The following CCDC62 variants were observed in gnomAD, a reference collection of about 807,000 sequenced individuals.
CCDC62 encodes the protein coiled-coil domain-containing protein 62.
CCDC62 carries 72 observed loss-of-function variants against 80.8 expected under a neutral mutation model. That is an observed-to-expected ratio of 0.89 (90% CI 0.74 to 1.08). The LOEUF (loss-of-function observed/expected upper bound fraction) is 1.08. Ranked by LOEUF, CCDC62 falls within the 50% of genes least tolerant of loss-of-function variation. The probability of loss-of-function intolerance (pLI) is 0.00; values close to 1 mark genes in which losing one functional copy is unlikely to be tolerated. For synonymous variants in CCDC62, 286 were observed against 296.5 expected (o/e 0.96, Z 0.36); for missense variants, 704 against 809.4 (o/e 0.87, Z 1.58).
At chr12:122,790,288 A>G (rs972201931) in intron 5 of CCDC62, among the ~76,000 whole-genome samples, 2 of 152,070 alleles carry the variant, frequency 1.3e-5, no homozygotes, top group African/African-American at 4.8e-5. Context: ...TGAGCTTGTG[A>G]TCCACCTGCC....
chr12:122,820,518 A>G (rs986830410), intron 11 of CCDC62, among the ~76,000 whole-genome samples: 18 of 152,280 alleles, frequency 1.2e-4, no homozygotes, highest in African/African-American at 4.1e-4. Flanking sequence ...GATCCCTTTC[A>G]GAATGAAGTT....
At position 122,778,400 on chromosome 12, in the gene CCDC62, A is replaced by G. The variant is rs139885474; in HGVS notation, c.229+717A>G. Reference sequence around the variant, plus strand: ...TAGCTGTCTCAAAAATGGTTGCAAAAAGTTTATTTGACACCATATTTTAAT... The same window carrying G: ...TAGCTGTCTCAAAAATGGTTGCAAAGAGTTTATTTGACACCATATTTTAAT... On this transcript the variant is annotated intron_variant, in intron 2 of 12. Coordinates refer to ENST00000253079, the MANE Select transcript of CCDC62 (RefSeq NM_201435.5). Among the ~76,000 whole-genome samples, 840 of 152,168 alleles carry G rather than the reference A, an allele frequency of 5.5e-3. 10 individuals carry two copies. Among genetic ancestry groups the G allele is most frequent in the African/African-American group, 0.019 (808 of 41,518 alleles).
chr12:122,791,068 G>A (rs1442671165), intron 5 of CCDC62, among the ~76,000 whole-genome samples: 1 of 152,136 alleles, frequency 6.6e-6, no homozygotes, highest in Non-Finnish European at 1.5e-5. Context: ...AATGGATTTG[G>A]ATTTCATCCT....
intron 11 of CCDC62, among the ~76,000 whole-genome samples, chr12:122,820,419 G>A (rs2032354439): frequency 6.6e-6 from 1 of 152,188 alleles, no homozygotes; most frequent in South Asian, 2.1e-4. Flanking sequence ...TGCTGTGTGG[G>A]CCTGGCCGTC....
At chr12:122,824,428 C>A (rs1593844239) in intron 12 of CCDC62, among the ~76,000 whole-genome samples, 1 of 151,874 alleles carries the variant, frequency 6.6e-6, no homozygotes, top group East Asian at 1.9e-4. Context: ...AACAAACAAA[C>A]AAAAAACCAA....
At chr12:122,798,400 C>G (rs574435187) in intron 8 of CCDC62, among the ~76,000 whole-genome samples, 200 bp downstream of exon 8, 3 of 151,898 alleles carry the variant, frequency 2.0e-5, no homozygotes. Context: ...GTCAGGAGTT[C>G]GAGACCAGCC....
intron 3 of CCDC62, among the ~76,000 whole-genome samples, chr12:122,785,488 T>A (rs2030156846): frequency 6.6e-6 from 1 of 152,206 alleles, no homozygotes; most frequent in Non-Finnish European, 1.5e-5. Flanking sequence ...ATGGTAGAAT[T>A]AATAGAGAAA....
At chr12:122,805,446 C>G (rs1434047797) in intron 9 of CCDC62, among the ~76,000 whole-genome samples, 1 of 145,536 alleles carries the variant, frequency 6.9e-6, no homozygotes, top group Non-Finnish European at 1.5e-5. Context: ...TGGGTTCAAG[C>G]AATTCTCCTG....
intron 1 of CCDC62, chr12:122,776,949 C>G (rs1432127383): frequency 6.5e-6 from 1 of 152,890 alleles, no homozygotes; most frequent in Non-Finnish European, 1.5e-5. Context: ...GCGCATGCCA[C>G]CACACTGAGC....
chr12:122,790,388 C>T (rs915879528), intron 5 of CCDC62, among the ~76,000 whole-genome samples: 4 of 151,960 alleles, frequency 2.6e-5, no homozygotes, highest in African/African-American at 9.7e-5. Flanking sequence ...AGTGGCTGGG[C>T]ATGATGGCTC....
intron 3 of CCDC62, among the ~76,000 whole-genome samples, chr12:122,785,331 A>G (rs2030145433): frequency 6.6e-6 from 1 of 152,166 alleles, no homozygotes; most frequent in African/African-American, 2.4e-5. Flanking sequence ...TATTTCAACA[A>G]AGGAAATCTC....
At chr12:122,797,503 C>G (rs1290119473) in intron 7 of CCDC62, 108 bp downstream of exon 7, 2 of 644,854 alleles carry the variant, frequency 3.1e-6, no homozygotes, top group Non-Finnish European at 5.6e-6. Context: ...GATTTGGAAT[C>G]CTAACTACAT....
At chr12:122,814,504 ATTTT>A (rs71440218) in intron 11 of CCDC62, among the ~76,000 whole-genome samples, 1 of 125,126 alleles carries the variant, frequency 8.0e-6, no homozygotes, top group Non-Finnish European at 1.7e-5. Flanking sequence ...TGGACTTTTA[ATTTT>A]TTTTTTTTTT....
At chr12:122,806,077 T>G (rs1467024133) in intron 9 of CCDC62, 74 bp from the exon 10 acceptor site, 2 of 1,349,470 alleles carry the variant, frequency 1.5e-6, no homozygotes, top group Non-Finnish European at 2.0e-6. Context: ...TTTAAGATAC[T>G]TTTGAGTATA....
At chr12:122,822,103 CT>C (rs60304984) in intron 11 of CCDC62, among the ~76,000 whole-genome samples, 77,313 of 102,172 alleles carry the variant, frequency 0.76, 30,159 homozygotes, top group East Asian at 0.94. Context: ...CATTATTTAT[CT>C]TTTTTTTTTT....
At position 122,774,906 on chromosome 12, in the gene CCDC62, A is replaced by G. The variant is rs376796978; in HGVS notation, c.36+200A>G. 9.9e-5 allele frequency among the ~76,000 whole-genome samples: 15 copies of G among 150,782 alleles called. No homozygotes were observed. The East Asian group carries it at 1.2e-3, about 12-fold the overall frequency. On this transcript the variant is annotated intron_variant, in intron 1 of 12. Transcript: ENST00000253079. ...AGATCGAGACCATCCTGGCTAACACAGTGAAACCCCGTCTCTACTAAAAAT... is the reference window on the plus strand; with the variant it reads ...AGATCGAGACCATCCTGGCTAACACGGTGAAACCCCGTCTCTACTAAAAAT...
intron 3 of CCDC62, 45 bp from the exon 4 acceptor site, chr12:122,785,674 C>CTTTA (rs775953406): frequency 4.4e-5 from 58 of 1,311,928 alleles, no homozygotes; most frequent in Non-Finnish European, 4.7e-5. Flanking sequence ...GTAGTGAAAG[C>CTTTA]TTTAAAAGGA....
intron 5 of CCDC62, among the ~76,000 whole-genome samples, chr12:122,789,830 G>A (rs1266394400): frequency 2.0e-5 from 3 of 152,144 alleles, no homozygotes; most frequent in Admixed American, 1.3e-4. Context: ...ATCTCCATTT[G>A]TAGCTTCAGC....
rs778790320 is a variant in CCDC62 at position 122,801,505 on chromosome 12, C to G, written c.1359C>G (p.Pro453=). 4.3e-6 allele frequency: 7 copies of G among 1,614,014 alleles called. No homozygotes were observed. The highest frequency in any genetic ancestry group is 5.9e-6 in the Non-Finnish European group (7 of 1,180,044). Residue 453 remains proline, a synonymous_variant, in exon 9 of 13, where the codon CCC becomes CCG. Transcript: ENST00000253079. ...AAGGAAAACAACCCTCAGAAACACCCACTTTATCTGATGAGAAGCAGTGGC... is the reference window on the plus strand; with the variant it reads ...AAGGAAAACAACCCTCAGAAACACCGACTTTATCTGATGAGAAGCAGTGGC... ...QNEGKQPSET[P]TLSDEKQWHD...
Sources: gnomAD v4.1 joint callset for allele counts (sites outside exome capture counted in the v4.1 genomes callset) on GRCh38, gnomAD v4.1.1 for gene constraint, MANE v1.5 for transcripts, NCBI Gene and HGNC (gene_info 2026-07-23, HGNC 2026-07-21) for gene names.